The following PPP1CB variants were observed in gnomAD, a reference collection of about 807,000 sequenced individuals.
The protein encoded by PPP1CB is serine/threonine-protein phosphatase PP1-beta catalytic subunit.
Under a neutral mutation model 43.7 loss-of-function variants are expected in PPP1CB, and 2 were observed. The ratio of observed to expected loss-of-function variants is 0.05; its 90% confidence interval spans 0.02 to 0.14. The LOEUF (loss-of-function observed/expected upper bound fraction) is 0.14. Among genes scored for constraint, PPP1CB ranks in the 10% least tolerant of loss-of-function variants. The probability of loss-of-function intolerance (pLI) is 1.00; values close to 1 mark genes in which losing one functional copy is unlikely to be tolerated. For missense variants in PPP1CB, 84 were observed against 398.0 expected, an observed-to-expected ratio of 0.21 and a Z score of 6.71; for synonymous variants, 136 against 135.6, an observed-to-expected ratio of 1.00 and a Z score of -0.02.
At chr2:28,757,310 G>A (rs1157780170) in intron 1 of PPP1CB, among the ~76,000 whole-genome samples, 1 of 151,928 alleles carries the variant, frequency 6.6e-6, no homozygotes, top group Non-Finnish European at 1.5e-5. Flanking sequence ...TTCGGCTATT[G>A]TGAATACTTG....
At chr2:28,753,337 G>A (rs1416565039) in intron 1 of PPP1CB, among the ~76,000 whole-genome samples, 1 of 152,210 alleles carries the variant, frequency 6.6e-6, no homozygotes, top group African/African-American at 2.4e-5. Flanking sequence ...ATATTGTAAT[G>A]GGGGAGGGGT....
intron 3 of PPP1CB, among the ~76,000 whole-genome samples, chr2:28,780,255 A>G (rs1237963402): frequency 6.6e-6 from 1 of 151,774 alleles, no homozygotes; most frequent in East Asian, 1.9e-4. Context: ...TCCCTGGCTA[A>G]TTTTGTATAT....
intron 6 of PPP1CB, among the ~76,000 whole-genome samples, chr2:28,790,420 A>C (rs1449991939): frequency 6.6e-6 from 1 of 152,110 alleles, no homozygotes; most frequent in South Asian, 2.1e-4. Flanking sequence ...GCTCACTGCA[A>C]CTTCCGCCTC....
intron 6 of PPP1CB, 74 bp downstream of exon 6, chr2:28,788,883 A>AACAAGAATCTGTC: frequency 7.2e-7 from 1 of 1,394,704 alleles, no homozygotes; most frequent in Non-Finnish European, 9.5e-7. Context: ...GGGCAGACAG[A>AACAAGAATCTGTC]TTCTTGTTCT....
intron 5 of PPP1CB, 111 bp downstream of exon 5, chr2:28,784,089 TC>T: frequency 4.1e-6 from 3 of 736,392 alleles, no homozygotes; most frequent in Non-Finnish European, 6.6e-6. Flanking sequence ...AGAGCTTTTT[TC>T]ATAGTCAATA....
chr2:28,776,556 G>A (rs1008123357), intron 1 of PPP1CB, among the ~76,000 whole-genome samples: 2 of 152,058 alleles, frequency 1.3e-5, no homozygotes, highest in Non-Finnish European at 2.9e-5. Flanking sequence ...CACCGTGCCC[G>A]GCCCTGAAAT....
At chr2:28,764,295 CT>C (rs142104952) in intron 1 of PPP1CB, among the ~76,000 whole-genome samples, 2,513 of 151,888 alleles carry the variant, frequency 0.017, 60 homozygotes, top group African/African-American at 0.057. Context: ...CCCGTCTCTA[CT>C]TAAAATACAA....
intron 1 of PPP1CB, among the ~76,000 whole-genome samples, chr2:28,770,686 A>G (rs1382663509): frequency 6.6e-6 from 1 of 152,202 alleles, no homozygotes; most frequent in African/African-American, 2.4e-5. Context: ...ACAAACAGGA[A>G]AAAATCAGCG....
intron 6 of PPP1CB, 24 bp from the exon 7 acceptor site, chr2:28,793,839 T>C: frequency 6.2e-7 from 1 of 1,613,260 alleles, no homozygotes. Context: ...TAAATGTTTT[T>C]TCTTCTGACA....
chr2:28,781,695 C>G, intron 3 of PPP1CB, 43 bp from the exon 4 acceptor site: 1 of 1,327,578 alleles, frequency 7.5e-7, no homozygotes, highest in South Asian at 1.3e-5. Context: ...CTGATGAGAA[C>G]AGTTTTAGAT....
chr2:28,794,122 C>CACT, intron 7 of PPP1CB, 125 bp downstream of exon 7: 1 of 715,510 alleles, frequency 1.4e-6, no homozygotes, highest in Non-Finnish European at 2.2e-6. Flanking sequence ...GAAGTGATTA[C>CACT]CACTCAAACT....
At chr2:28,765,363 C>T (rs956148684) in intron 1 of PPP1CB, among the ~76,000 whole-genome samples, 2 of 152,198 alleles carry the variant, frequency 1.3e-5, no homozygotes, top group African/African-American at 4.8e-5. Context: ...ATATTCATCA[C>T]TTGGAAAGCA....
intron 3 of PPP1CB, 22 bp downstream of exon 3, chr2:28,779,061 GA>G: frequency 6.7e-7 from 1 of 1,488,540 alleles, no homozygotes. Flanking sequence ...TAAAGACTTA[GA>G]AAAGTAATTC....
At chr2:28,786,567 A>T (rs544573223) in intron 5 of PPP1CB, among the ~76,000 whole-genome samples, 1 of 152,152 alleles carries the variant, frequency 6.6e-6, no homozygotes, top group East Asian at 1.9e-4. Flanking sequence ...CTGAAATTAT[A>T]GATTCTTGAG....
chr2:28,767,786 C>T (rs1048000565), intron 1 of PPP1CB, among the ~76,000 whole-genome samples: 7 of 152,136 alleles, frequency 4.6e-5, no homozygotes, highest in African/African-American at 9.7e-5. Context: ...TTTTTGCAAT[C>T]ATTTAAAAAA....
At position 28,778,964 on chromosome 2, in the gene PPP1CB, C is replaced by G. The variant is rs1294390542; in HGVS notation, c.340C>G (p.Pro114Ala). The G allele has an allele frequency of 6.2e-7, 1 of 1,612,338 alleles. No individual in the cohort carries two copies. Reference protein sequence around the residue: ...CLLLAYKIKYPENFFLLRGNH... With the variant: ...CLLLAYKIKYAENFFLLRGNH... The stretch of plus-strand genomic sequence containing the variant: ...GCTATTGGCTTATAAAATCAAATAT[C>G]CAGAGAACTTCTTTCTCTTAAGAGG... Residue 114 changes from proline (P) to alanine (A), a missense_variant, in exon 3 of 8, where the codon CCA becomes GCA. Physicochemically the swap from Pro to Ala is conservative, Grantham distance 27 (BLOSUM62 -1). Coordinates refer to ENST00000395366, the MANE Select transcript of PPP1CB (RefSeq NM_002709.3).
At position 28,757,337 on chromosome 2, in the gene PPP1CB, A is replaced by G. The variant is rs548263733; in HGVS notation, c.52+5161A>G. 8.5e-5 allele frequency among the ~76,000 whole-genome samples: 13 copies of G among 152,230 alleles called. No homozygotes were observed. In the South Asian group the frequency reaches 1.5e-3, roughly 17 times the overall value. ...GAATACTTGTAGTGCTGCTATCAAC[A>G]TTTGTGTAGAAGTTTTTTTTTGTGG... On this transcript the variant is annotated intron_variant, in intron 1 of 7. Coordinates refer to ENST00000395366, the MANE Select transcript of PPP1CB (RefSeq NM_002709.3).
intron 6 of PPP1CB, among the ~76,000 whole-genome samples, chr2:28,789,684 C>T (rs999894889): frequency 4.0e-5 from 6 of 149,646 alleles, no homozygotes; most frequent in Admixed American, 1.3e-4. Flanking sequence ...CTGTAACCTC[C>T]GCCTCCCAGG....
chr2:28,774,598 G>T (rs746135946), intron 1 of PPP1CB, among the ~76,000 whole-genome samples: 9 of 152,060 alleles, frequency 5.9e-5, no homozygotes, highest in Non-Finnish European at 8.8e-5. Context: ...GCTAATTCTT[G>T]TATTTTTAGT....
Sources: allele counts gnomAD v4.1 joint callset (sites outside exome capture counted in the v4.1 genomes callset), GRCh38; gene constraint gnomAD v4.1.1; transcripts MANE v1.5; gene names NCBI Gene and HGNC (gene_info 2026-07-23, HGNC 2026-07-21).